ARR3: variants seen among roughly 807,000 people sequenced by gnomAD.
The protein encoded by ARR3 is arrestin 3.
In ARR3, 14 loss-of-function variants were observed where a neutral mutation model predicts 35.4. That is an observed-to-expected ratio of 0.40 (90% CI 0.26 to 0.62). The LOEUF is 0.62. ARR3 is among the 20% of genes least tolerant of loss of function. The probability of loss-of-function intolerance (pLI) is 0.46; values close to 1 mark genes in which losing one functional copy is unlikely to be tolerated. For synonymous variants in ARR3, 97 were observed against 119.1 expected, an observed-to-expected ratio of 0.81 and a Z score of 1.21; for missense variants, 259 against 303.8, an observed-to-expected ratio of 0.85 and a Z score of 1.10.
chrX:70,276,812 T>C, intron 8 of ARR3, 76 bp downstream of exon 8: 1 of 949,103 alleles, frequency 1.1e-6, no homozygotes, highest in Non-Finnish European at 1.5e-6. Context: ...ATGACAGAAA[T>C]AGCCCCACTT....
In ARR3 at chrX:70,278,149, G is replaced by A; in HGVS notation, c.767+11G>A. 8.3e-7 allele frequency: 1 copy of A among 1,203,878 alleles called. No individual in the cohort carries two copies. The highest frequency in any genetic ancestry group is 1.8e-5 in the South Asian group (1 of 56,089). On this transcript the variant is annotated intron_variant, in intron 11 of 16. Transcript: ENST00000307959. ...CATTCAGGAATTCACGTGAGCTGGT[G>A]CTGGGGCTAGGACCAGAGAGCCAAG... is the stretch of plus-strand genomic sequence containing the variant.
chrX:70,269,778 G>C, intron 3 of ARR3, 65 bp from the exon 4 acceptor site: 3 of 1,188,335 alleles, frequency 2.5e-6, no homozygotes, highest in Non-Finnish European at 3.4e-6. Context: ...GTCTGGGTTG[G>C]GGGTTTCAGG....
Position 70,277,818 on chromosome X carries a change from T to C in ARR3, c.694+18T>C, listed in dbSNP as rs1364580003. 3.4e-6 allele frequency: 4 copies of C among 1,183,392 alleles called. No homozygotes were observed. The highest frequency in any genetic ancestry group is 4.6e-6 in the Non-Finnish European group (4 of 874,149). ...GATTTCAGGTGAGTTTCTTTTCCCATCCCTGTGCACCTGGTCCCAAAGCCA... is the reference window on the plus strand; with the variant it reads ...GATTTCAGGTGAGTTTCTTTTCCCACCCCTGTGCACCTGGTCCCAAAGCCA... On this transcript the variant is annotated intron_variant, in intron 10 of 16. Coordinates refer to ENST00000307959, the MANE Select transcript of ARR3 (RefSeq NM_004312.3).
intron 3 of ARR3, 32 bp downstream of exon 3, chrX:70,269,724 G>A: frequency 1.7e-6 from 2 of 1,202,347 alleles, no homozygotes; most frequent in Non-Finnish European, 2.2e-6. Context: ...GGGCAAATGA[G>A]AGGGCAAAAG....
Position 70,270,099 on chromosome X carries a change from G to A in ARR3, c.101-1G>A, listed in dbSNP as rs2085624132. 1 of 1,210,663 alleles carries A rather than the reference G, an allele frequency of 8.3e-7. No homozygotes were observed. The highest frequency in any genetic ancestry group is 1.1e-6 in the Non-Finnish European group (1 of 895,162). On this transcript the variant is annotated splice_acceptor_variant, in intron 4 of 16. Transcript: ENST00000307959. LOFTEE classifies it high-confidence loss of function. ...AGTGCTGTCTGTCCTTCTCTCCACA[G>A]ACGGTGTTGTCCTGGTTGATCCTGA...
At chrX:70,279,474 G>A (rs1354595767) in intron 12 of ARR3, among the ~76,000 whole-genome samples, 1 of 112,756 alleles carries the variant, frequency 8.9e-6, no homozygotes, top group Admixed American at 9.3e-5. Context: ...TGCAGCTTTC[G>A]CTGTCTTATT....
chrX:70,273,855 T>C (rs2085640519), intron 5 of ARR3, among the ~76,000 whole-genome samples: 1 of 111,446 alleles, frequency 9.0e-6, no homozygotes, highest in Admixed American at 9.5e-5. Context: ...TTTTTCATGA[T>C]AAAATATTTA....
At position 70,281,602 on chromosome X, in the gene ARR3, G is replaced by GA. The variant is rs3838941; in HGVS notation, c.1077-68dup. On this transcript the variant is annotated intron_variant, in intron 16 of 16. Coordinates refer to ENST00000307959, the MANE Select transcript of ARR3 (RefSeq NM_004312.3). Reference sequence around the variant, plus strand: ...GAGGGGATCACTTTTCTGGGATCAGGAAAAAAGAGTGGACACGGAGGACAC... The same window carrying GA: ...GAGGGGATCACTTTTCTGGGATCAGGAAAAAAAGAGTGGACACGGAGGACAC... 4.4e-4 allele frequency: 400 copies of GA among 915,831 alleles called. 4 individuals carry two copies. The East Asian group carries it at 0.011, about 26-fold the overall frequency. 75.5% of individuals were successfully genotyped at this position (915,831 alleles called of 1,213,427 possible).
chrX:70,273,997 C>A (rs758413449), intron 5 of ARR3, among the ~76,000 whole-genome samples: 2 of 109,236 alleles, frequency 1.8e-5, no homozygotes, highest in East Asian at 5.8e-4. Context: ...CCCTACTTAA[C>A]CCTTCTCCTC....
intron 5 of ARR3, among the ~76,000 whole-genome samples, chrX:70,271,950 G>T (rs1046796546): frequency 9.0e-6 from 1 of 110,802 alleles, no homozygotes; most frequent in Admixed American, 9.7e-5. Flanking sequence ...TAGAGCTTCA[G>T]TTGGGGGTAG....
chrX:70,275,058 C>CA (rs1181344605), intron 5 of ARR3, among the ~76,000 whole-genome samples: 1 of 112,449 alleles, frequency 8.9e-6, no homozygotes, highest in Non-Finnish European at 1.9e-5. Context: ...TATGTTCTGA[C>CA]AAACGTTGAT....
chrX:70,270,022 C>T, intron 4 of ARR3, 78 bp from the exon 5 acceptor site: 1 of 1,181,452 alleles, frequency 8.5e-7, no homozygotes, highest in Non-Finnish European at 1.2e-6. Flanking sequence ...ATAGGAAGAA[C>T]CATTTCAGGG....
In ARR3 at chrX:70,278,107, T is replaced by C; in HGVS notation, c.736T>C (p.Tyr246His). ...TGTTGTCCTGTATTCACTAGACAAGTACACCAAGACTGTGTTCATTCAGGA... is the reference window on the plus strand; with the variant it reads ...TGTTGTCCTGTATTCACTAGACAAGCACACCAAGACTGTGTTCATTCAGGA... Reference protein sequence around the residue: ...TDVVLYSLDKYTKTVFIQEFT... With the variant: ...TDVVLYSLDKHTKTVFIQEFT... Residue 246 changes from tyrosine to histidine, a missense_variant, in exon 11 of 17, where the codon TAC becomes CAC. Coordinates refer to ENST00000307959, the MANE Select transcript of ARR3 (RefSeq NM_004312.3). 1 of 1,210,004 alleles carries C rather than the reference T, an allele frequency of 8.3e-7. No individual in the cohort carries two copies. The highest frequency in any genetic ancestry group is 1.7e-5 in the African/African-American group (1 of 57,321).
At position 70,277,389 on chromosome X, in the gene ARR3, C is replaced by T; in HGVS notation, c.474-5C>T. On this transcript the variant is annotated splice_polypyrimidine_tract_variant and splice_region_variant and intron_variant, in intron 8 of 16. Transcript: ENST00000307959. ...GCTCTGGCTAATCTCTTGGTCTCTG[C>T]TCAGAGACTATGTGCGGCTGGTTGT... The T allele has an allele frequency of 1.7e-6, 2 of 1,209,757 alleles. No individual in the cohort carries two copies. The highest frequency in any genetic ancestry group is 2.2e-6 in the Non-Finnish European group (2 of 894,483).
chrX:70,272,190 T>C (rs1377089609), intron 5 of ARR3, among the ~76,000 whole-genome samples: 2 of 111,184 alleles, frequency 1.8e-5, no homozygotes, highest in African/African-American at 6.5e-5. Context: ...TTACTTTCTG[T>C]CTTTTTCCTT....
intron 5 of ARR3, among the ~76,000 whole-genome samples, chrX:70,272,058 T>G (rs954062057): frequency 9.1e-6 from 1 of 109,591 alleles, no homozygotes; most frequent in Non-Finnish European, 1.9e-5. Flanking sequence ...CGTCCTTACC[T>G]CAGGTGCTAC....
At position 70,270,104 on chromosome X, in the gene ARR3, T is replaced by C; in HGVS notation, c.105T>C (p.Gly35=). The change falls in exon 5 of 17, where the codon GGT becomes GGC. Residue 35 remains glycine, a synonymous_variant. Transcript: ENST00000307959. Reference sequence around the variant, plus strand: ...TGTCTGTCCTTCTCTCCACAGACGGTGTTGTCCTGGTTGATCCTGAGTACT... The same window carrying C: ...TGTCTGTCCTTCTCTCCACAGACGGCGTTGTCCTGGTTGATCCTGAGTACT... ...DHVDTVEPID[G]VVLVDPEYLK... 1.6e-6 allele frequency: 2 copies of C among 1,212,169 alleles called. No homozygotes were observed. The highest frequency in any genetic ancestry group is 2.2e-6 in the Non-Finnish European group (2 of 895,370).
intron 11 of ARR3, 37 bp downstream of exon 11, chrX:70,278,175 G>T (rs1602723462): frequency 8.6e-7 from 1 of 1,163,846 alleles, no homozygotes; most frequent in Non-Finnish European, 1.2e-6. Flanking sequence ...GAGAGCCAAG[G>T]GGTGGGGTGG....
At position 70,277,943 on chromosome X, in the gene ARR3, T is replaced by C. The variant is rs1301839740; in HGVS notation, c.695-123T>C. 18 of 859,974 alleles carry C rather than the reference T, an allele frequency of 2.1e-5. No homozygotes were observed. In the Admixed American group the frequency reaches 4.2e-4, roughly 20 times the overall value. 70.9% of individuals were successfully genotyped at this position (859,974 alleles called of 1,213,427 possible). Reference sequence around the variant, plus strand: ...CAAAATGCATATCTTGTTTTGTCAATGAGCATGTCTCACTGCATCATGTAT... The same window carrying C: ...CAAAATGCATATCTTGTTTTGTCAACGAGCATGTCTCACTGCATCATGTAT... On this transcript the variant is annotated intron_variant, in intron 10 of 16. Coordinates refer to ENST00000307959, the MANE Select transcript of ARR3 (RefSeq NM_004312.3).
Sources: gnomAD v4.1 joint callset for allele counts (sites outside exome capture counted in the v4.1 genomes callset) on GRCh38, gnomAD v4.1.1 for gene constraint, MANE v1.5 for transcripts, NCBI Gene and HGNC (gene_info 2026-07-23, HGNC 2026-07-21) for gene names.